The following CHRM3 variants were observed in gnomAD, a reference collection of about 807,000 sequenced individuals.
CHRM3 encodes muscarinic acetylcholine receptor M3.
In CHRM3, 11 loss-of-function variants were observed where a neutral mutation model predicts 41.8. The observed-to-expected ratio is 0.26, with a 90% CI of 0.17 to 0.44. The LOEUF is 0.44. CHRM3 is among the 20% of genes least tolerant of loss of function. The pLI, the probability that CHRM3 is intolerant of heterozygous loss-of-function variation, is 1.00. For missense variants in CHRM3, 571 were observed against 745.4 expected (o/e 0.77, Z 2.72); for synonymous variants, 297 against 301.4 (o/e 0.99, Z 0.15).
At chr1:239,755,178 C>T (rs1666140503) in intron 5 of CHRM3, among the ~76,000 whole-genome samples, 1 of 152,160 alleles carries the variant, frequency 6.6e-6, no homozygotes, top group Non-Finnish European at 1.5e-5. Context: ...GAGGACTCCA[C>T]CCTCCTGTTT....
At chr1:239,786,240 CT>C (rs1190634262) in intron 5 of CHRM3, among the ~76,000 whole-genome samples, 1 of 152,138 alleles carries the variant, frequency 6.6e-6, no homozygotes, top group African/African-American at 2.4e-5. Context: ...AGCACTCCCC[CT>C]CTCAGCTTTG....
intron 6 of CHRM3, among the ~76,000 whole-genome samples, chr1:239,874,576 A>G (rs1676956553): frequency 6.6e-6 from 1 of 151,778 alleles, no homozygotes; most frequent in Non-Finnish European, 1.5e-5. Context: ...AAAGCCGTAT[A>G]TGTACATGTA....
intron 5 of CHRM3, among the ~76,000 whole-genome samples, chr1:239,806,943 C>G (rs1670702900): frequency 6.6e-6 from 1 of 152,184 alleles, no homozygotes; most frequent in African/African-American, 2.4e-5. Flanking sequence ...TACCTGCCGT[C>G]ATTCCATAGG....
chr1:239,858,535 A>AAAG (rs1553286263), intron 6 of CHRM3, among the ~76,000 whole-genome samples: 12 of 151,608 alleles, frequency 7.9e-5, no homozygotes, highest in African/African-American at 2.9e-4. Context: ...AAAAAAAAAA[A>AAAG]AGAGAATAAT....
chr1:239,532,462 C>T lies in CHRM3; in HGVS notation c.-421-13179C>T, dbSNP rs564563315. 2.7e-5 allele frequency among the ~76,000 whole-genome samples: 4 copies of T among 150,816 alleles called. No homozygotes were observed. In the South Asian group the frequency reaches 8.4e-4, roughly 32 times the overall value. On this transcript the variant is annotated intron_variant, in intron 2 of 6. Coordinates refer to ENST00000676153, the MANE Select transcript of CHRM3 (RefSeq NM_001375978.1). ...CCAACGTGGTGAAACCCCCTCTCTA[C>T]TAAAGTACAAAAATTAGCCGGACAT...
At chr1:239,882,481 C>A (rs866333380) in intron 6 of CHRM3, among the ~76,000 whole-genome samples, 1 of 152,106 alleles carries the variant, frequency 6.6e-6, no homozygotes, top group African/African-American at 2.4e-5. Flanking sequence ...GTCTTTTAAT[C>A]CCCGCACAAT....
chr1:239,553,404 A>AT (rs1236906769), intron 3 of CHRM3, among the ~76,000 whole-genome samples: 1 of 152,114 alleles, frequency 6.6e-6, no homozygotes, highest in African/African-American at 2.4e-5. Context: ...ATGAGAATCT[A>AT]TATCTATTTG....
chr1:239,415,131 C>CT (rs1661396009), intron 1 of CHRM3, among the ~76,000 whole-genome samples: 1 of 152,282 alleles, frequency 6.6e-6, no homozygotes, highest in East Asian at 1.9e-4. Context: ...CAAAAAAAGT[C>CT]TAAGTTTTTT....
intron 3 of CHRM3, among the ~76,000 whole-genome samples, chr1:239,569,482 C>T (rs1005861490): frequency 1.4e-4 from 21 of 152,070 alleles, no homozygotes; most frequent in Admixed American, 2.0e-4. Flanking sequence ...TGCGATAACA[C>T]AAATTAGTAG....
At chr1:239,844,078 A>G (rs1174697004) in intron 6 of CHRM3, among the ~76,000 whole-genome samples, 1 of 152,156 alleles carries the variant, frequency 6.6e-6, no homozygotes, top group African/African-American at 2.4e-5. Flanking sequence ...TCTTTGTGAT[A>G]AGAACACTTA....
chr1:239,456,153 C>A (rs1159846814), intron 1 of CHRM3, among the ~76,000 whole-genome samples: 1 of 152,078 alleles, frequency 6.6e-6, no homozygotes, highest in Non-Finnish European at 1.5e-5. Flanking sequence ...AAGGTCCTTT[C>A]CTTGATAAAA....
intron 5 of CHRM3, among the ~76,000 whole-genome samples, chr1:239,712,122 A>G (rs948460089): frequency 1.3e-5 from 2 of 152,156 alleles, no homozygotes; most frequent in Admixed American, 1.3e-4. Flanking sequence ...TTTAATCTCA[A>G]TTATACATTG....
chr1:239,645,196 C>T (rs546728967), intron 4 of CHRM3, among the ~76,000 whole-genome samples: 31 of 152,340 alleles, frequency 2.0e-4, no homozygotes, highest in African/African-American at 7.5e-4. Flanking sequence ...GGCACTGCAC[C>T]AGATGCGCTC....
chr1:239,643,412 G>A (rs1671414849), intron 4 of CHRM3, among the ~76,000 whole-genome samples: 2 of 152,172 alleles, frequency 1.3e-5, no homozygotes, highest in Non-Finnish European at 2.9e-5. Flanking sequence ...GAGCTGTGGT[G>A]GGCTCCACCC....
chr1:239,756,739 T>G (rs958055564), intron 5 of CHRM3, among the ~76,000 whole-genome samples: 7 of 152,202 alleles, frequency 4.6e-5, no homozygotes, highest in Admixed American at 4.6e-4. Flanking sequence ...ATAACTAAAT[T>G]TTGATGCCCA....
At chr1:239,409,484 C>T (rs1390276711) in intron 1 of CHRM3, among the ~76,000 whole-genome samples, 1 of 152,174 alleles carries the variant, frequency 6.6e-6, no homozygotes, top group Non-Finnish European at 1.5e-5. Context: ...TCTCAGTTTG[C>T]TTGAATTTTC....
At chr1:239,868,785 A>G (rs1572540019) in intron 6 of CHRM3, among the ~76,000 whole-genome samples, 1 of 152,224 alleles carries the variant, frequency 6.6e-6, no homozygotes, top group African/African-American at 2.4e-5. Flanking sequence ...TGAAAGAATG[A>G]TGAATTCTGA....
intron 6 of CHRM3, among the ~76,000 whole-genome samples, chr1:239,830,831 C>G (rs1158670400): frequency 6.6e-6 from 1 of 152,172 alleles, no homozygotes; most frequent in Non-Finnish European, 1.5e-5. Flanking sequence ...CCAACCTCTG[C>G]AGGACCACCC....
At chr1:239,480,524 G>C (rs1666764070) in intron 1 of CHRM3, among the ~76,000 whole-genome samples, 1 of 149,052 alleles carries the variant, frequency 6.7e-6, no homozygotes, top group South Asian at 2.1e-4. Flanking sequence ...TTTAACTCAG[G>C]TAATCCTACG....
Sources: gnomAD v4.1 joint callset for allele counts (sites outside exome capture counted in the v4.1 genomes callset) on GRCh38, gnomAD v4.1.1 for gene constraint, MANE v1.5 for transcripts, NCBI Gene and HGNC (gene_info 2026-07-23, HGNC 2026-07-21) for gene names.